The following CDH13 variants were observed in gnomAD, a reference collection of about 807,000 sequenced individuals.
The protein encoded by CDH13 is cadherin 13.
CDH13 carries 24 observed loss-of-function variants against 63.8 expected under a neutral mutation model. That is an observed-to-expected ratio of 0.38 (90% CI 0.27 to 0.53). CDH13 has a LOEUF of 0.53. Ranked by LOEUF, CDH13 falls within the 20% of genes least tolerant of loss-of-function variation. The pLI is 0.85. For synonymous variants in CDH13, 503 were observed against 355.3 expected, an observed-to-expected ratio of 1.42 and a Z score of -4.67; for missense variants, 1,049 against 903.1, an observed-to-expected ratio of 1.16 and a Z score of -2.07.
At chr16:83,488,298 A>G (rs1370148292) in intron 7 of CDH13, among the ~76,000 whole-genome samples, 2 of 152,202 alleles carry the variant, frequency 1.3e-5, no homozygotes, top group African/African-American at 2.4e-5. Flanking sequence ...GACTGTGGTC[A>G]TATGCATGTT....
intron 13 of CDH13, among the ~76,000 whole-genome samples, chr16:83,786,057 C>G (rs911148927): frequency 1.3e-5 from 2 of 152,144 alleles, no homozygotes; most frequent in African/African-American, 4.8e-5. Flanking sequence ...CTGGCACCAT[C>G]CCTCCTCCAG....
chr16:82,704,997 A>T (rs1025755250), intron 1 of CDH13: 1 of 366,768 alleles, frequency 2.7e-6, no homozygotes, highest in African/African-American at 2.1e-5. Flanking sequence ...CTCATGAGGA[A>T]GGTGAATGAC....
chr16:83,145,635 A>G (rs1010373523), intron 4 of CDH13, among the ~76,000 whole-genome samples: 8 of 152,184 alleles, frequency 5.3e-5, no homozygotes, highest in African/African-American at 1.7e-4. Context: ...TCTTTGAAGA[A>G]CATTCTATAG....
chr16:83,078,814 A>T (rs2033033245), intron 3 of CDH13, among the ~76,000 whole-genome samples: 1 of 151,900 alleles, frequency 6.6e-6, no homozygotes, highest in South Asian at 2.1e-4. Context: ...TTTTTTTGAG[A>T]CAGAGTCTTG....
chr16:83,711,331 G>A (rs1314554854), intron 10 of CDH13, among the ~76,000 whole-genome samples: 2 of 152,136 alleles, frequency 1.3e-5, no homozygotes, highest in Non-Finnish European at 2.9e-5. Context: ...AATGCCAGAC[G>A]GGCTGTGGTA....
intron 10 of CDH13, among the ~76,000 whole-genome samples, chr16:83,731,217 T>C (rs532708620): frequency 1.3e-5 from 2 of 152,360 alleles, no homozygotes; most frequent in East Asian, 3.9e-4. Context: ...AGTTCTGTTC[T>C]AAGTTCTTTG....
intron 13 of CDH13, among the ~76,000 whole-genome samples, chr16:83,791,248 A>G (rs1366727545): frequency 1.3e-5 from 2 of 152,104 alleles, no homozygotes; most frequent in Admixed American, 6.6e-5. Context: ...TGTAATCCCA[A>G]CACTTTCGGA....
At chr16:83,448,436 A>G (rs920450015) in intron 6 of CDH13, among the ~76,000 whole-genome samples, 1 of 152,184 alleles carries the variant, frequency 6.6e-6, no homozygotes, top group African/African-American at 2.4e-5. Flanking sequence ...TCTCTTCCCT[A>G]GAACAAGATG....
At position 82,839,502 on chromosome 16, in the gene CDH13, C is replaced by A. The variant is rs573046278; in HGVS notation, c.46-18860C>A. Among the ~76,000 whole-genome samples the A allele has an allele frequency of 2.0e-5, 3 of 152,266 alleles. No homozygotes were observed. The East Asian group carries it at 5.8e-4, about 29-fold the overall frequency. ...CTCTAAAACCGAAACCTAGACAGTC[C>A]CAGTAAATCAGGAGGATTAATCTCC... is the stretch of plus-strand genomic sequence containing the variant. On this transcript the variant is annotated intron_variant, in intron 1 of 13. Coordinates refer to ENST00000567109, the MANE Select transcript of CDH13 (RefSeq NM_001257.5).
intron 5 of CDH13, among the ~76,000 whole-genome samples, chr16:83,256,674 C>CAAAAAAAAAAA (rs59651612): frequency 7.8e-5 from 9 of 115,588 alleles, no homozygotes; most frequent in African/African-American, 2.0e-4. Flanking sequence ...TACTAAAATA[C>CAAAAAAAAAAA]AAAAAAAAAA....
At position 83,131,626 on chromosome 16, in the gene CDH13, G is replaced by A. The variant is rs181028753; in HGVS notation, c.483+6125G>A. Among the ~76,000 whole-genome samples, 8 of 152,334 alleles carry A rather than the reference G, an allele frequency of 5.3e-5. No individual in the cohort carries two copies. In the East Asian group the frequency reaches 1.5e-3, roughly 29 times the overall value. Reference sequence around the variant, plus strand: ...CAGGGGACTTTAAATCTGTAAGCCAGCAGGGAGGTCTTTGGGAGATGTATT... The same window carrying A: ...CAGGGGACTTTAAATCTGTAAGCCAACAGGGAGGTCTTTGGGAGATGTATT... On this transcript the variant is annotated intron_variant, in intron 4 of 13. Transcript: ENST00000567109.
At chr16:83,333,099 CA>C (rs1203291466) in intron 5 of CDH13, among the ~76,000 whole-genome samples, 1 of 152,078 alleles carries the variant, frequency 6.6e-6, no homozygotes, top group Non-Finnish European at 1.5e-5. Flanking sequence ...TCCAGTCTGT[CA>C]AGCGGGGGAT....
chr16:83,703,522 T>C (rs1206560562), intron 10 of CDH13, among the ~76,000 whole-genome samples: 1 of 152,196 alleles, frequency 6.6e-6, no homozygotes, highest in East Asian at 1.9e-4. Context: ...GACATCCAAG[T>C]TGGTAAACGG....
At chr16:82,747,607 A>G (rs8046098) in intron 1 of CDH13, among the ~76,000 whole-genome samples, 1 of 151,994 alleles carries the variant, frequency 6.6e-6, no homozygotes, top group Non-Finnish European at 1.5e-5. Flanking sequence ...GTTTAACGAG[A>G]CCTTCAAGTA....
intron 2 of CDH13, chr16:82,954,385 A>C (rs974292957): frequency 2.6e-5 from 4 of 152,146 alleles, no homozygotes; most frequent in African/African-American, 4.8e-5. Flanking sequence ...GGTTTCCAGA[A>C]AGCCTCTGGT....
intron 1 of CDH13, among the ~76,000 whole-genome samples, chr16:82,672,616 T>C (rs940947649): frequency 6.6e-6 from 1 of 152,158 alleles, no homozygotes. Flanking sequence ...ATCTAGGTGA[T>C]CAGTCACCAA....
intron 4 of CDH13, among the ~76,000 whole-genome samples, chr16:83,180,129 TAA>T (rs2038288871): frequency 6.7e-6 from 1 of 150,312 alleles, no homozygotes; most frequent in African/African-American, 2.5e-5. Context: ...AATTGTCGTT[TAA>T]AAGTAAGGTT....
intron 5 of CDH13, among the ~76,000 whole-genome samples, chr16:83,342,005 A>C (rs1391334690): frequency 6.6e-6 from 1 of 151,192 alleles, no homozygotes; most frequent in Non-Finnish European, 1.5e-5. Flanking sequence ...ACACACACAC[A>C]CACACACACA....
rs537185230 is a variant in CDH13 at position 83,529,632 on chromosome 16, G to A, written c.960+42977G>A. On this transcript the variant is annotated intron_variant, in intron 7 of 13. Transcript: ENST00000567109. ...GTTTTTATAGGATTCTGTAAGGATA[G>A]TAAAAGACATGGATGATCTGTACTA... is the stretch of plus-strand genomic sequence containing the variant. Among the ~76,000 whole-genome samples the A allele has an allele frequency of 1.2e-4, 19 of 152,156 alleles. No homozygotes were observed. The South Asian group carries it at 3.7e-3, about 30-fold the overall frequency.
Sources: gnomAD v4.1 joint callset for allele counts (sites outside exome capture counted in the v4.1 genomes callset) on GRCh38, gnomAD v4.1.1 for gene constraint, MANE v1.5 for transcripts, NCBI Gene and HGNC (gene_info 2026-07-23, HGNC 2026-07-21) for gene names.